MRC1: variants seen among roughly 807,000 people sequenced by gnomAD.
MRC1 encodes macrophage mannose receptor 1.
A neutral mutation model predicts 102.9 loss-of-function variants in MRC1; 62 were observed. The ratio of observed to expected loss-of-function variants is 0.60; its 90% CI spans 0.49 to 0.74. MRC1 has a LOEUF of 0.74. Among genes scored for constraint, MRC1 ranks in the 30% least tolerant of loss-of-function variants. The pLI is 0.00. For synonymous variants in MRC1, 457 were observed against 298.4 expected, an observed-to-expected ratio of 1.53 and a Z score of -5.48; for missense variants, 1,237 against 862.8, an observed-to-expected ratio of 1.43 and a Z score of -5.43.
intron 1 of MRC1, among the ~76,000 whole-genome samples, chr10:17,816,850 C>T (rs1838320058): frequency 6.6e-6 from 1 of 152,176 alleles, no homozygotes; most frequent in Non-Finnish European, 1.5e-5. Context: ...GCATATCATA[C>T]TTATCTCCCT....
intron 1 of MRC1, among the ~76,000 whole-genome samples, chr10:17,809,974 G>T (rs1838198400): frequency 6.6e-6 from 1 of 152,054 alleles, no homozygotes; most frequent in Admixed American, 6.6e-5. Flanking sequence ...AGGTCCGAGG[G>T]TATCATCGCA....
At chr10:17,852,196 A>G (rs1838927401) in intron 7 of MRC1, among the ~76,000 whole-genome samples, 6 of 152,338 alleles carry the variant, frequency 3.9e-5, no homozygotes, top group Admixed American at 3.9e-4. Context: ...TATAAAATCA[A>G]TAATGTTCTC....
intron 17 of MRC1, among the ~76,000 whole-genome samples, chr10:17,876,511 T>C (rs1833440044): frequency 6.6e-6 from 1 of 152,096 alleles, no homozygotes; most frequent in African/African-American, 2.4e-5. Context: ...GCCTCCCAAA[T>C]TGCTAGGATT....
At chr10:17,888,181 C>G (rs1833626518) in intron 22 of MRC1, among the ~76,000 whole-genome samples, 1 of 152,118 alleles carries the variant, frequency 6.6e-6, no homozygotes, top group Non-Finnish European at 1.5e-5. Flanking sequence ...TGGGAGAGAA[C>G]TTTTAATATG....
chr10:17,903,382 C>CTTTTTTTTTT (rs1210207060), intron 26 of MRC1, among the ~76,000 whole-genome samples: 1 of 125,052 alleles, frequency 8.0e-6, no homozygotes, highest in Non-Finnish European at 1.7e-5. Flanking sequence ...TTTTTCTTTT[C>CTTTTTTTTTT]TTTTTTTTTC....
Position 17,809,768 on chromosome 10 carries a change from C to G in MRC1, c.61+242C>G, listed in dbSNP as rs1264237382. On this transcript the variant is annotated intron_variant, in intron 1 of 29. Transcript: ENST00000569591. ...CTCGGTTGCTGCCCTGCCGGGAACC[C>G]TACAGACCTTCAGTGTCCTCCTGAC... 2.0e-5 allele frequency among the ~76,000 whole-genome samples: 3 copies of G among 152,168 alleles called. No individual in the cohort carries two copies. In the East Asian group the frequency reaches 5.8e-4, roughly 29 times the overall value.
intron 17 of MRC1, among the ~76,000 whole-genome samples, chr10:17,877,006 C>T (rs1833445779): frequency 6.6e-6 from 1 of 151,528 alleles, no homozygotes; most frequent in Non-Finnish European, 1.5e-5. Context: ...TCTGACTTAA[C>T]ATCATTTTGT....
rs1833187303 is a variant in MRC1, at chr10:17,861,749, G to A, written c.1634+247G>A. Among the ~76,000 whole-genome samples the A allele has an allele frequency of 3.3e-5, 5 of 152,148 alleles. No homozygotes were observed. In the East Asian group the frequency reaches 9.6e-4, roughly 29 times the overall value. On this transcript the variant is annotated intron_variant, in intron 10 of 29. Coordinates refer to ENST00000569591, the MANE Select transcript of MRC1 (RefSeq NM_002438.4). ...GTTTATAAATAATAATCTAGTAAAT[G>A]TAGTTTATGGAGCTAACTTTTTAAT...
intron 1 of MRC1, among the ~76,000 whole-genome samples, chr10:17,811,745 T>G (rs1372755108): frequency 6.6e-6 from 1 of 151,904 alleles, no homozygotes; most frequent in African/African-American, 2.4e-5. Flanking sequence ...AATTTTTAAT[T>G]TTTTTTATTT....
At chr10:17,832,819 G>C (rs1838598556) in intron 3 of MRC1, among the ~76,000 whole-genome samples, 1 of 151,920 alleles carries the variant, frequency 6.6e-6, no homozygotes, top group Non-Finnish European at 1.5e-5. Flanking sequence ...TCCATCTCCT[G>C]ACCTTGTGAT....
rs782616938 is a variant in MRC1, at chr10:17,827,372, C to CAAAAAAAAAAAAAAAA, written c.464-147_464-132dup. Among the ~76,000 whole-genome samples the CAAAAAAAAAAAAAAAA allele has an allele frequency of 3.1e-5, 2 of 64,030 alleles. 1 individual carries two copies. The highest frequency in any genetic ancestry group is 6.3e-5 in the Non-Finnish European group (2 of 31,754). 42.0% of individuals were successfully genotyped at this position (64,030 alleles called of 152,430 possible). A position where few individuals can be genotyped will look rare whatever the true frequency, so the allele number is the denominator to read the frequency against. The stretch of plus-strand genomic sequence containing the variant: ...TAGAAGGAGAAGGAAAAAAAATACC[C>CAAAAAAAAAAAAAAAA]AAAAAAAAAAAAAAAAAAAAAAAAA... On this transcript the variant is annotated intron_variant, in intron 2 of 29. Transcript: ENST00000569591.
chr10:17,870,688 C>T (rs1833342660), intron 13 of MRC1, among the ~76,000 whole-genome samples, 160 bp from the exon 14 acceptor site: 1 of 152,184 alleles, frequency 6.6e-6, no homozygotes, highest in South Asian at 2.1e-4. Context: ...CCAAAATGCA[C>T]ATCTATTGCA....
chr10:17,895,982 T>C (rs1021610683), intron 23 of MRC1, among the ~76,000 whole-genome samples: 6 of 152,330 alleles, frequency 3.9e-5, no homozygotes, highest in African/African-American at 1.4e-4. Flanking sequence ...AATGGTAACT[T>C]CTGGGGGCTG....
chr10:17,883,756 T>C (rs1157755080), intron 21 of MRC1, among the ~76,000 whole-genome samples: 6 of 152,220 alleles, frequency 3.9e-5, no homozygotes, highest in Admixed American at 3.9e-4. Flanking sequence ...TAGGTACTTG[T>C]TGGTCTAGGA....
intron 12 of MRC1, among the ~76,000 whole-genome samples, chr10:17,868,157 G>A (rs1833304298): frequency 6.6e-6 from 1 of 152,182 alleles, no homozygotes; most frequent in African/African-American, 2.4e-5. Context: ...CCTTTCTGGA[G>A]AAAATTAGCC....
chr10:17,860,915 A>G (rs1251930793), intron 9 of MRC1, among the ~76,000 whole-genome samples: 2 of 152,172 alleles, frequency 1.3e-5, no homozygotes, highest in South Asian at 2.1e-4. Context: ...TTATTCGTTT[A>G]TGTGTATAAT....
At chr10:17,881,027 T>A in intron 20 of MRC1, 40 bp from the exon 21 acceptor site, 1 of 779,744 alleles carries the variant, frequency 1.3e-6, no homozygotes, top group South Asian at 1.3e-5. Context: ...AGTTAACCCC[T>A]GCAGTTTTTC....
At chr10:17,811,142 C>T (rs1218206898) in intron 1 of MRC1, among the ~76,000 whole-genome samples, 2 of 152,154 alleles carry the variant, frequency 1.3e-5, no homozygotes, top group African/African-American at 4.8e-5. Context: ...GAAATATTAT[C>T]CCTCAACATT....
At chr10:17,811,752 A>T (rs1838226802) in intron 1 of MRC1, among the ~76,000 whole-genome samples, 3 of 150,392 alleles carry the variant, frequency 2.0e-5, no homozygotes, top group Non-Finnish European at 3.0e-5. Context: ...AATTTTTTTT[A>T]TTTTTTTTTA....
Sources: gnomAD v4.1 joint callset for allele counts (sites outside exome capture counted in the v4.1 genomes callset) on GRCh38, gnomAD v4.1.1 for gene constraint, MANE v1.5 for transcripts, NCBI Gene and HGNC (gene_info 2026-07-23, HGNC 2026-07-21) for gene names.